The following PTPRD variants were observed in gnomAD, a reference collection of about 807,000 sequenced individuals.
The protein encoded by PTPRD is protein tyrosine phosphatase receptor type D, also known as receptor-type tyrosine-protein phosphatase delta.
A neutral mutation model predicts 214.5 loss-of-function variants in PTPRD; 34 were observed. The ratio of observed to expected loss-of-function variants is 0.16; its 90% CI spans 0.12 to 0.21. PTPRD has a LOEUF of 0.21. Ranked by LOEUF, PTPRD falls within the 10% of genes least tolerant of loss-of-function variation. PTPRD has a pLI of 1.00. For missense variants in PTPRD, 2,545 were observed against 2,398.7 expected, an observed-to-expected ratio of 1.06 and a Z score of -1.27; for synonymous variants, 1,128 against 845.7, an observed-to-expected ratio of 1.33 and a Z score of -5.79.
chr9:9,849,638 G>A (rs191585435), intron 5 of PTPRD, among the ~76,000 whole-genome samples: 33 of 151,638 alleles, frequency 2.2e-4, no homozygotes, highest in Non-Finnish European at 1.0e-4. Flanking sequence ...TATGTAAGGT[G>A]TGATTGCTAA....
intron 12 of PTPRD, among the ~76,000 whole-genome samples, chr9:8,643,492 G>C (rs983189004): frequency 6.6e-6 from 1 of 152,222 alleles, no homozygotes; most frequent in Non-Finnish European, 1.5e-5. Context: ...GGCAGCAGCA[G>C]CAGGCCATGT....
chr9:8,396,071 A>C (rs2091071972), intron 36 of PTPRD, among the ~76,000 whole-genome samples: 1 of 152,136 alleles, frequency 6.6e-6, no homozygotes, highest in South Asian at 2.1e-4. Flanking sequence ...AGTAGTCAAC[A>C]ATCAAGCATG....
intron 7 of PTPRD, among the ~76,000 whole-genome samples, chr9:9,602,086 T>C (rs536230161): frequency 6.6e-6 from 1 of 152,198 alleles, no homozygotes; most frequent in East Asian, 1.9e-4. Context: ...TGTTCTAAAA[T>C]TAAAATGATT....
At chr9:10,426,051 G>C (rs78164060) in intron 2 of PTPRD, among the ~76,000 whole-genome samples, 4,904 of 151,844 alleles carry the variant, frequency 0.032, 131 homozygotes, top group South Asian at 0.099. Flanking sequence ...GTAATATTTT[G>C]GATATGGATC....
At chr9:8,653,339 A>G (rs2096849706) in intron 12 of PTPRD, among the ~76,000 whole-genome samples, 1 of 152,172 alleles carries the variant, frequency 6.6e-6, no homozygotes, top group Admixed American at 6.5e-5. Context: ...AGAAATTGCA[A>G]AACAACACAG....
intron 7 of PTPRD, among the ~76,000 whole-genome samples, chr9:9,581,065 A>G (rs1407267807): frequency 1.3e-5 from 2 of 152,104 alleles, no homozygotes; most frequent in African/African-American, 4.8e-5. Flanking sequence ...TTAGAAAGAA[A>G]CCCAAAATTG....
chr9:9,692,864 G>A (rs1423206172), intron 7 of PTPRD, among the ~76,000 whole-genome samples: 8 of 151,520 alleles, frequency 5.3e-5, no homozygotes, highest in Admixed American at 5.3e-4. Context: ...TTAATTCCTA[G>A]GTATTTAATT....
chr9:10,494,678 T>C (rs2041488760), intron 2 of PTPRD, among the ~76,000 whole-genome samples: 1 of 150,830 alleles, frequency 6.6e-6, no homozygotes, highest in Non-Finnish European at 1.5e-5. Flanking sequence ...ATTGTAAAAC[T>C]TAAAAAAATT....
chr9:10,071,358 T>C (rs1283490960), intron 3 of PTPRD, among the ~76,000 whole-genome samples: 1 of 152,128 alleles, frequency 6.6e-6, no homozygotes, highest in Non-Finnish European at 1.5e-5. Context: ...TGACTCACTC[T>C]ACTTGATTTC....
chr9:8,669,241 C>T (rs146103867), intron 12 of PTPRD, among the ~76,000 whole-genome samples: 1 of 152,210 alleles, frequency 6.6e-6, no homozygotes, highest in African/African-American at 2.4e-5. Flanking sequence ...TCAAGGAGAG[C>T]TTCCAGAGAG....
chr9:10,028,141 A>C (rs1339825437), intron 4 of PTPRD, among the ~76,000 whole-genome samples: 1 of 152,124 alleles, frequency 6.6e-6, no homozygotes, highest in African/African-American at 2.4e-5. Flanking sequence ...ACAAGATCTG[A>C]TGTTTTTTAA....
At chr9:8,687,614 A>G (rs1362908414) in intron 12 of PTPRD, among the ~76,000 whole-genome samples, 1 of 152,208 alleles carries the variant, frequency 6.6e-6, no homozygotes, top group Non-Finnish European at 1.5e-5. Context: ...TAATTTTTTA[A>G]TGTCAAGCAA....
intron 12 of PTPRD, among the ~76,000 whole-genome samples, chr9:8,638,301 C>T (rs2096492083): frequency 6.6e-6 from 1 of 152,040 alleles, no homozygotes; most frequent in Non-Finnish European, 1.5e-5. Flanking sequence ...AGTATCTTCT[C>T]TGTATTGATT....
intron 3 of PTPRD, among the ~76,000 whole-genome samples, chr9:10,089,206 A>AAAATAAATAAATAAAT (rs34355367): frequency 0.034 from 4,878 of 142,578 alleles, 132 homozygotes; most frequent in East Asian, 0.1. Flanking sequence ...AATCAGTCTC[A>AAAATAAATAAATAAAT]AAATAAATAA....
chr9:9,489,602 G>A (rs1328451458), intron 8 of PTPRD, among the ~76,000 whole-genome samples: 1 of 152,004 alleles, frequency 6.6e-6, no homozygotes, highest in Non-Finnish European at 1.5e-5. Flanking sequence ...TTCTGGAGCT[G>A]AAAACTATAA....
intron 2 of PTPRD, among the ~76,000 whole-genome samples, chr9:10,509,554 A>ATTT: frequency 1.2e-4 from 1 of 8,312 alleles, no homozygotes; most frequent in Non-Finnish European, 2.7e-4. Flanking sequence ...CATTTAATAA[A>ATTT]TATTATATAT....
Position 10,379,579 on chromosome 9 carries a change from T to A in PTPRD, c.-599-38562A>T, listed in dbSNP as rs1467988734. 9.9e-5 allele frequency among the ~76,000 whole-genome samples: 15 copies of A among 152,194 alleles called. No homozygotes were observed. The South Asian group carries it at 1.0e-3, about 10-fold the overall frequency. On this transcript the variant is annotated intron_variant, in intron 2 of 45. Coordinates refer to ENST00000381196, the MANE Select transcript of PTPRD (RefSeq NM_002839.4). ...ATTTAAATATACTATATTACTAGCA[T>A]GAAATTCTACTGTAAGTATTTAAAG...
chr9:9,841,472 T>G (rs1325421114), intron 5 of PTPRD, among the ~76,000 whole-genome samples: 1 of 152,170 alleles, frequency 6.6e-6, no homozygotes, highest in African/African-American at 2.4e-5. Flanking sequence ...GAAGAAAATG[T>G]ATGCCAGTTC....
chr9:10,279,233 T>C (rs980970892), intron 3 of PTPRD, among the ~76,000 whole-genome samples: 1 of 151,814 alleles, frequency 6.6e-6, no homozygotes, highest in Admixed American at 6.6e-5. Flanking sequence ...ATCATCCACA[T>C]ATAGCAGAGC....
Sources: gnomAD v4.1 joint callset for allele counts (sites outside exome capture counted in the v4.1 genomes callset) on GRCh38, gnomAD v4.1.1 for gene constraint, MANE v1.5 for transcripts, NCBI Gene and HGNC (gene_info 2026-07-23, HGNC 2026-07-21) for gene names.